The following RYR1 variants were observed in gnomAD, a reference collection of about 807,000 sequenced individuals.
RYR1 encodes ryanodine receptor 1.
In RYR1, 342 loss-of-function variants were observed where a neutral mutation model predicts 583.5. That is an observed-to-expected ratio of 0.59 (90% CI 0.54 to 0.64). The LOEUF is 0.64. Among genes scored for constraint, RYR1 ranks in the 30% least tolerant of loss-of-function variants. RYR1 has a pLI of 0.00. For missense variants in RYR1, 6,032 were observed against 6,917.2 expected, an observed-to-expected ratio of 0.87 and a Z score of 4.54; for synonymous variants, 2,791 against 2,822.5, an observed-to-expected ratio of 0.99 and a Z score of 0.35.
intron 89 of RYR1, among the ~76,000 whole-genome samples, chr19:38,557,179 A>G (rs1313305896): frequency 6.9e-6 from 1 of 145,426 alleles, no homozygotes; most frequent in Non-Finnish European, 1.5e-5. Context: ...TCAGCCTCCC[A>G]AAGTGCTGGG....
chr19:38,585,877 G>A, intron 102 of RYR1, 61 bp from the exon 103 acceptor site: 4 of 1,599,904 alleles, frequency 2.5e-6, no homozygotes, highest in Non-Finnish European at 3.4e-6. Context: ...TAGGTAGCTG[G>A]AGAGGGGGGA....
chr19:38,518,060 A>G (rs1971054710), intron 66 of RYR1, among the ~76,000 whole-genome samples: 1 of 152,076 alleles, frequency 6.6e-6, no homozygotes, highest in South Asian at 2.1e-4. Context: ...TGGAGGCTGC[A>G]GTGAGCTGTG....
intron 1 of RYR1, among the ~76,000 whole-genome samples, chr19:38,435,523 G>A (rs542449082): frequency 6.6e-6 from 1 of 152,264 alleles, no homozygotes; most frequent in South Asian, 2.1e-4. Flanking sequence ...CTTGAGGTCA[G>A]GAGTTTGAGA....
At chr19:38,447,452 A>C (rs909882186) in intron 9 of RYR1, among the ~76,000 whole-genome samples, 4 of 152,114 alleles carry the variant, frequency 2.6e-5, no homozygotes, top group African/African-American at 9.7e-5. Context: ...CAGGCAGGAG[A>C]ATCCCTTGAA....
chr19:38,494,236 T>C (rs933396245), intron 38 of RYR1, 116 bp from the exon 39 acceptor site: 11 of 1,191,180 alleles, frequency 9.2e-6, no homozygotes, highest in Non-Finnish European at 1.4e-5. Context: ...GCGCAGGTGG[T>C]AGTAACTGGG....
At chr19:38,521,745 C>T (rs1277182019) in intron 67 of RYR1, among the ~76,000 whole-genome samples, 3 of 146,958 alleles carry the variant, frequency 2.0e-5, no homozygotes, top group East Asian at 2.0e-4. Flanking sequence ...GATGGAGTCT[C>T]GCCCAGGCTG....
intron 27 of RYR1, among the ~76,000 whole-genome samples, chr19:38,470,837 T>C (rs1293675478): frequency 6.6e-6 from 1 of 152,196 alleles, no homozygotes. Context: ...AAGGTCCCTA[T>C]TGGCAGTGGA....
intron 93 of RYR1, among the ~76,000 whole-genome samples, chr19:38,570,313 G>A (rs1973657282): frequency 2.0e-5 from 3 of 152,048 alleles, no homozygotes; most frequent in Admixed American, 6.5e-5. Context: ...TTAGCTGGGC[G>A]TGGTGGCACA....
intron 65 of RYR1, among the ~76,000 whole-genome samples, chr19:38,517,007 G>C (rs553248969): frequency 6.6e-6 from 1 of 152,250 alleles, no homozygotes; most frequent in Non-Finnish European, 1.5e-5. Context: ...AGAGAGACAA[G>C]GCGGGGAGAC....
intron 90 of RYR1, 40 bp from the exon 91 acceptor site, chr19:38,564,919 G>A (rs1169637520): frequency 1.9e-6 from 3 of 1,549,692 alleles, no homozygotes; most frequent in South Asian, 1.2e-5. Context: ...CCGAGCCCCC[G>A]CTGACGGCGC....
chr19:38,491,247 T>G (rs73930591), intron 37 of RYR1, among the ~76,000 whole-genome samples: 2,088 of 150,532 alleles, frequency 0.014, 45 homozygotes, highest in African/African-American at 0.048. Flanking sequence ...CTCTTTGAAT[T>G]TATCCTGTTG....
chr19:38,586,893 C>T (rs1249601322), intron 105 of RYR1, among the ~76,000 whole-genome samples: 2 of 152,114 alleles, frequency 1.3e-5, no homozygotes, highest in East Asian at 3.8e-4. Context: ...ATCGCTTGAA[C>T]CCAGGAGGCA....
At position 38,577,997 on chromosome 19, in the gene RYR1, T is replaced by G. The variant is rs777671007; in HGVS notation, c.14252T>G (p.Ile4751Ser). Reference sequence around the variant, plus strand: ...GGCATGGACCTGGCCACACTAGAGATCACAGCCCACAATGAGCGCAAGCCC... The same window carrying G: ...GGCATGGACCTGGCCACACTAGAGAGCACAGCCCACAATGAGCGCAAGCCC... Reference protein sequence around the residue: ...LLGMDLATLEITAHNERKPNP... With the variant: ...LLGMDLATLESTAHNERKPNP... The change falls in exon 98 of 106, where the codon ATC becomes AGC. Residue 4751 changes from isoleucine (I) to serine (S), a missense_variant. Coordinates refer to ENST00000359596, the MANE Select transcript of RYR1 (RefSeq NM_000540.3). 1 of 1,613,842 alleles carries G rather than the reference T, an allele frequency of 6.2e-7. No individual in the cohort carries two copies. The highest frequency in any genetic ancestry group is 1.1e-5 in the South Asian group (1 of 91,056).
intron 74 of RYR1, 72 bp from the exon 75 acceptor site, chr19:38,528,527 C>CTGCA: frequency 6.3e-7 from 1 of 1,595,456 alleles, no homozygotes; most frequent in Non-Finnish European, 8.6e-7. Context: ...TGGTTGGGGG[C>CTGCA]TGCAGGCGCA....
chr19:38,565,278 G>A lies in RYR1; in HGVS notation c.12944G>A (p.Arg4315Gln), dbSNP rs1013126996. 4 of 999,332 alleles carry A rather than the reference G, an allele frequency of 4.0e-6. No individual in the cohort carries two copies. In the African/African-American group the frequency reaches 5.3e-5, roughly 13 times the overall value. 61.9% of individuals were successfully genotyped at this position (999,332 alleles called of 1,614,324 possible). ...LRGLSYRSLR[R>Q]RVRRLRRLTA... Reference sequence around the variant, plus strand: ...GGCCTCAGCTACCGCAGCCTGCGGCGGCGCGTGCGGCGGCTGCGGCGGCTT... The same window carrying A: ...GGCCTCAGCTACCGCAGCCTGCGGCAGCGCGTGCGGCGGCTGCGGCGGCTT... Residue 4315 changes from arginine to glutamine, a missense_variant, in exon 91 of 106, where the codon CGG (arginine) becomes CAG (glutamine). Arg to Gln is a conservative substitution (Grantham distance 43, BLOSUM62 1). This residue lies in a region of RYR1 where 753 missense variants were observed against 759.6 expected (regional missense o/e 0.99). Transcript: ENST00000359596. The surrounding 1 kb of genome is among the most constrained non-coding windows in gnomAD (Gnocchi z 4.7).
intron 28 of RYR1, among the ~76,000 whole-genome samples, chr19:38,474,620 T>G (rs7245897): frequency 0.19 from 25,713 of 135,876 alleles, 3,648 homozygotes; most frequent in African/African-American, 0.41. Context: ...TGTTGCCCAG[T>G]CTGGAGTGCA....
intron 29 of RYR1, among the ~76,000 whole-genome samples, chr19:38,476,924 G>A (rs975980678): frequency 7.2e-5 from 11 of 152,038 alleles, no homozygotes; most frequent in East Asian, 1.9e-4. Flanking sequence ...GTCCCAGAAC[G>A]TTGGGAGGCC....
rs199895006 is a variant in RYR1 at position 38,523,927 on chromosome 19, C to T, written c.10453C>T (p.Gln3485Ter). Residue 3485 changes from glutamine (Q) to a stop codon, truncating the protein, a stop_gained and splice_region_variant, in exon 70 of 106, where the codon CAG (glutamine) becomes TAG (stop). Transcript: ENST00000359596. LOFTEE classifies it high-confidence loss of function. ...KSKMAKAGDI[Q>*]SGGSDQERTK... The stretch of plus-strand genomic sequence containing the variant: ...TCCGGTGAAGCAGGCGGGAGATATA[C>T]AGGTCAGCCCCACATCTGGGACCTT... The T allele has an allele frequency of 6.2e-7, 1 of 1,613,974 alleles. No homozygotes were observed. The highest frequency in any genetic ancestry group is 1.3e-5 in the African/African-American group (1 of 74,998).
In RYR1 at chr19:38,496,690, C is replaced by A. The variant is rs1969844826; in HGVS notation, c.6796+149C>A. 1.7e-6 allele frequency: 2 copies of A among 1,195,404 alleles called. No individual in the cohort carries two copies. The highest frequency in any genetic ancestry group is 2.5e-6 in the Non-Finnish European group (2 of 815,072). 74.0% of individuals were successfully genotyped at this position (1,195,404 alleles called of 1,614,324 possible). A position where few individuals can be genotyped will look rare whatever the true frequency, so the allele number is the denominator to read the frequency against. On this transcript the variant is annotated intron_variant, in intron 41 of 105. Coordinates refer to ENST00000359596, the MANE Select transcript of RYR1 (RefSeq NM_000540.3). This position sits in a 1 kb window ranked among gnomAD's most constrained non-coding sequence, Gnocchi z 4.8. The stretch of plus-strand genomic sequence containing the variant: ...CCTGTAATGAGTAATGCTGGGGACA[C>A]AATAGTGACCCCAATAGTGACAGCC...
Sources: allele counts gnomAD v4.1 joint callset (sites outside exome capture counted in the v4.1 genomes callset), GRCh38; gene constraint gnomAD v4.1.1; regional missense constraint gnomAD v4.1.1; non-coding constraint Gnocchi (gnomAD v3.1); transcripts MANE v1.5; gene names NCBI Gene and HGNC (gene_info 2026-07-23, HGNC 2026-07-21).